The following SPATA13 variants were observed in gnomAD, a reference collection of about 807,000 sequenced individuals.
The protein encoded by SPATA13 is spermatogenesis-associated protein 13.
SPATA13 carries 50 observed loss-of-function variants against 104.0 expected under a neutral mutation model. The observed-to-expected ratio is 0.48, with a 90% CI of 0.38 to 0.61. The LOEUF (loss-of-function observed/expected upper bound fraction) is 0.61. SPATA13 is among the 20% of genes least tolerant of loss of function. The pLI, the probability that SPATA13 is intolerant of heterozygous loss-of-function variation, is 0.00. For synonymous variants in SPATA13, 606 were observed against 667.5 expected, an observed-to-expected ratio of 0.91 and a Z score of 1.42; for missense variants, 1,524 against 1,690.6, an observed-to-expected ratio of 0.90 and a Z score of 1.73.
chr13:24,003,073 C>G (rs1485868742), intron 2 of SPATA13, among the ~76,000 whole-genome samples: 1 of 152,174 alleles, frequency 6.6e-6, no homozygotes, highest in East Asian at 1.9e-4. Flanking sequence ...ACTCAGTCTT[C>G]CGAACTACAG....
intron 3 of SPATA13, among the ~76,000 whole-genome samples, chr13:24,101,070 G>A (rs1880241301): frequency 6.6e-6 from 1 of 152,124 alleles, no homozygotes; most frequent in Non-Finnish European, 1.5e-5. Flanking sequence ...ACACTCTCAA[G>A]GGGAAATTCG....
At chr13:24,090,044 A>G (rs1484031471) in intron 3 of SPATA13, among the ~76,000 whole-genome samples, 1 of 152,208 alleles carries the variant, frequency 6.6e-6, no homozygotes, top group Non-Finnish European at 1.5e-5. Flanking sequence ...CCTGAATACC[A>G]TATCAAGTTG....
chr13:24,039,756 C>G (rs929024844), intron 3 of SPATA13, among the ~76,000 whole-genome samples: 1 of 152,102 alleles, frequency 6.6e-6, no homozygotes, highest in African/African-American at 2.4e-5. Context: ...TGGGGGAATT[C>G]TGTAGTTGGC....
intron 1 of SPATA13, among the ~76,000 whole-genome samples, chr13:24,212,072 C>CTGAA (rs1335024710): frequency 3.3e-5 from 5 of 152,254 alleles, no homozygotes; most frequent in Middle Eastern, 3.4e-3. Flanking sequence ...GAAATATTTA[C>CTGAA]TGAATGAATG....
chr13:24,250,178 AAGAC>A (rs748647065), intron 3 of SPATA13, among the ~76,000 whole-genome samples: 74 of 152,248 alleles, frequency 4.9e-4, no homozygotes, highest in Non-Finnish European at 9.6e-4. Flanking sequence ...ATTGTTGAAA[AAGAC>A]AGTATTGTTC....
chr13:24,015,273 A>C (rs896586725), intron 2 of SPATA13, among the ~76,000 whole-genome samples: 1 of 152,240 alleles, frequency 6.6e-6, no homozygotes, highest in Non-Finnish European at 1.5e-5. Flanking sequence ...AAGCAAAAAC[A>C]TCGCTGAAAG....
At chr13:24,258,416 C>G (rs1873897409) in intron 4 of SPATA13, among the ~76,000 whole-genome samples, 1 of 150,152 alleles carries the variant, frequency 6.7e-6, no homozygotes, top group Non-Finnish European at 1.5e-5. Context: ...TCTGTAATCC[C>G]AGCACTTTGG....
chr13:24,139,894 T>C lies in SPATA13; in HGVS notation c.-111-82925T>C, dbSNP rs149171361. Among the ~76,000 whole-genome samples, 720 of 152,186 alleles carry C rather than the reference T, an allele frequency of 4.7e-3. 4 individuals carry two copies. Among genetic ancestry groups the C allele is most frequent in the African/African-American group, 0.014 (578 of 41,518 alleles). On this transcript the variant is annotated intron_variant, in intron 3 of 14. Transcript: ENST00000424834. ...CATCCTGCCTAACATGGTGAAACCC[T>C]GTCTCTACTAAAAAATTCAAAACAT...
intron 3 of SPATA13, among the ~76,000 whole-genome samples, chr13:24,096,359 G>A (rs1057509824): frequency 6.6e-6 from 1 of 152,172 alleles, no homozygotes; most frequent in African/African-American, 2.4e-5. Context: ...ACTTTGAGAG[G>A]CAGATGCAGG....
upstream of SPATA13, chr13:24,160,716 G>C: frequency 1.0e-6 from 1 of 985,664 alleles, no homozygotes; most frequent in Non-Finnish European, 1.2e-6. Context: ...GGCGTGGCTT[G>C]GCTGAGTGTG....
intron 10 of SPATA13, among the ~76,000 whole-genome samples, chr13:24,296,233 T>G (rs565940075): frequency 2.8e-4 from 42 of 152,366 alleles, no homozygotes; most frequent in African/African-American, 9.4e-4. Flanking sequence ...CCAACTCTTT[T>G]ATTTCATCAG....
At chr13:24,154,123 T>C (rs1882185099) in intron 3 of SPATA13, among the ~76,000 whole-genome samples, 1 of 144,764 alleles carries the variant, frequency 6.9e-6, no homozygotes, top group Non-Finnish European at 1.5e-5. Flanking sequence ...ATACAAGCAT[T>C]TTGAAAAAAA....
chr13:24,030,405 C>T (rs982432735), intron 3 of SPATA13, among the ~76,000 whole-genome samples: 4 of 152,190 alleles, frequency 2.6e-5, no homozygotes, highest in African/African-American at 9.7e-5. Context: ...AGGTCACTTT[C>T]CTGTCAATGG....
intron 2 of SPATA13, among the ~76,000 whole-genome samples, chr13:24,015,534 C>A (rs1467291428): frequency 1.3e-5 from 2 of 152,212 alleles, no homozygotes; most frequent in African/African-American, 4.8e-5. Flanking sequence ...TGAATATGAC[C>A]CTGTTGTGAG....
intron 3 of SPATA13, among the ~76,000 whole-genome samples, chr13:24,151,598 A>G (rs746649493): frequency 1.3e-5 from 2 of 152,198 alleles, no homozygotes; most frequent in Non-Finnish European, 2.9e-5. Context: ...GATGTCCATT[A>G]CTGGAGTTTT....
At chr13:24,057,532 C>G (rs1314684355) in intron 3 of SPATA13, among the ~76,000 whole-genome samples, 1 of 152,132 alleles carries the variant, frequency 6.6e-6, no homozygotes, top group African/African-American at 2.4e-5. Context: ...GCATGAATGT[C>G]TTATGACCAA....
At position 24,306,153 on chromosome 13, in the gene SPATA13, C is replaced by G. The variant is rs1055544543; in HGVS notation, c.*3380C>G. The G allele has an allele frequency of 2.0e-5, 3 of 152,160 alleles. No homozygotes were observed. Among genetic ancestry groups the G allele is most frequent in the African/African-American group, 7.2e-5 (3 of 41,442 alleles). The allele number at this position is 152,160 out of a possible 1,614,324, so 9.4% of individuals were successfully genotyped here. A position where few individuals can be genotyped will look rare whatever the true frequency, so the allele number is the denominator to read the frequency against. On this transcript the variant is annotated 3_prime_UTR_variant, in exon 13 of 13. Transcript: ENST00000382108. ...CCGATGCCATTCTTATTCAGAAAAT[C>G]CCCCCATCCTACATGACTGTTATCT...
At chr13:23,992,094 C>A (rs575550165) in intron 2 of SPATA13, among the ~76,000 whole-genome samples, 1 of 152,256 alleles carries the variant, frequency 6.6e-6, no homozygotes, top group South Asian at 2.1e-4. Context: ...TAGTGAGGCC[C>A]ATTTGCAGTG....
intron 3 of SPATA13, among the ~76,000 whole-genome samples, chr13:24,083,537 G>T (rs9511037): frequency 6.6e-6 from 1 of 152,066 alleles, no homozygotes; most frequent in Admixed American, 6.5e-5. Context: ...AGTTGAAGGT[G>T]GTTGGAGGTT....
Sources: allele counts gnomAD v4.1 joint callset (sites outside exome capture counted in the v4.1 genomes callset), GRCh38; gene constraint gnomAD v4.1.1; transcripts MANE v1.5; gene names NCBI Gene and HGNC (gene_info 2026-07-23, HGNC 2026-07-21).